The following PPP2R2B variants were observed in gnomAD, a reference collection of about 807,000 sequenced individuals.
PPP2R2B encodes protein phosphatase 2 regulatory subunit Bbeta, also known as serine/threonine-protein phosphatase 2A 55 kDa regulatory subunit B beta isoform.
In PPP2R2B, 5 loss-of-function variants were observed where a neutral mutation model predicts 46.0. The ratio of observed to expected loss-of-function variants is 0.11; its 90% confidence interval spans 0.06 to 0.23. PPP2R2B has a LOEUF of 0.23. PPP2R2B is among the 10% of genes least tolerant of loss of function. The pLI is 1.00. For synonymous variants in PPP2R2B, 215 were observed against 206.7 expected, an observed-to-expected ratio of 1.04 and a Z score of -0.34; for missense variants, 367 against 575.0, an observed-to-expected ratio of 0.64 and a Z score of 3.70.
At chr5:147,044,424 ATTCT>A (rs1756459012) in intron 1 of PPP2R2B, among the ~76,000 whole-genome samples, 4 of 152,186 alleles carry the variant, frequency 2.6e-5, no homozygotes, top group Admixed American at 2.6e-4. Context: ...AAATTTTATA[ATTCT>A]TTCTAATGGG....
At chr5:146,886,170 C>G (rs1004866541) in intron 1 of PPP2R2B, among the ~76,000 whole-genome samples, 1 of 151,938 alleles carries the variant, frequency 6.6e-6, no homozygotes, top group African/African-American at 2.4e-5. Flanking sequence ...AACCCCGTCT[C>G]TACTAAAAAT....
Position 146,946,020 on chromosome 5 carries a change from C to T in PPP2R2B, c.79+109645G>A, listed in dbSNP as rs1485204768. 3.9e-5 allele frequency among the ~76,000 whole-genome samples: 6 copies of T among 152,216 alleles called. No homozygotes were observed. In the East Asian group the frequency reaches 1.2e-3, roughly 29 times the overall value. On this transcript the variant is annotated intron_variant, in intron 1 of 8. Coordinates refer to the PPP2R2B transcript ENST00000336640. ...CTGAGTGAGATTTGTTACATTTGGG[C>T]TATCGATTCTAATTCACAATTTAGT... is the stretch of plus-strand genomic sequence containing the variant.
chr5:146,670,246 T>G (rs553881451), intron 5 of PPP2R2B, among the ~76,000 whole-genome samples: 1 of 152,248 alleles, frequency 6.6e-6, no homozygotes, highest in Admixed American at 6.5e-5. Flanking sequence ...TTTTTCTCAT[T>G]CAGAGATTCC....
At chr5:146,668,332 C>A (rs914947670) in intron 5 of PPP2R2B, among the ~76,000 whole-genome samples, 1 of 152,118 alleles carries the variant, frequency 6.6e-6, no homozygotes, top group Non-Finnish European at 1.5e-5. Context: ...GGTCACTATT[C>A]CCTAGCTAGA....
At chr5:146,791,216 A>G (rs1582111928) in intron 2 of PPP2R2B, among the ~76,000 whole-genome samples, 1 of 152,150 alleles carries the variant, frequency 6.6e-6, no homozygotes, top group South Asian at 2.1e-4. Flanking sequence ...CTGTCACACC[A>G]TATCTTACAT....
intron 1 of PPP2R2B, among the ~76,000 whole-genome samples, chr5:147,048,037 AG>A (rs1277755672): frequency 3.3e-5 from 5 of 152,294 alleles, no homozygotes; most frequent in African/African-American, 1.2e-4. Flanking sequence ...GCCCAGTTCC[AG>A]GGGATTTAAT....
At chr5:146,737,107 C>T (rs1243170841) in intron 2 of PPP2R2B, among the ~76,000 whole-genome samples, 1 of 152,100 alleles carries the variant, frequency 6.6e-6, no homozygotes, top group Admixed American at 6.5e-5. Flanking sequence ...GTGTGTATTT[C>T]ATACTTACAG....
At chr5:146,635,011 G>A (rs566057343) in intron 7 of PPP2R2B, among the ~76,000 whole-genome samples, 5 of 152,286 alleles carry the variant, frequency 3.3e-5, no homozygotes, top group African/African-American at 1.2e-4. Context: ...GCCTAGAACC[G>A]GAGGAATCCA....
At chr5:147,029,968 G>C (rs1207552633) in intron 1 of PPP2R2B, among the ~76,000 whole-genome samples, 1 of 152,306 alleles carries the variant, frequency 6.6e-6, no homozygotes, top group South Asian at 2.1e-4. Flanking sequence ...TTCCAATTGT[G>C]TTGGCTGGCT....
intron 1 of PPP2R2B, among the ~76,000 whole-genome samples, chr5:146,963,984 C>T (rs1173246112): frequency 6.6e-6 from 1 of 152,206 alleles, no homozygotes; most frequent in Admixed American, 6.5e-5. Context: ...TTACCCTTCT[C>T]AAGGCTGAAT....
intron 9 of PPP2R2B, 56 bp downstream of exon 9, chr5:146,592,915 C>T (rs1355015163): frequency 2.0e-6 from 3 of 1,521,436 alleles, no homozygotes; most frequent in Non-Finnish European, 2.7e-6. Flanking sequence ...GATAAATTCC[C>T]TGAGCCTCTT....
intron 1 of PPP2R2B, among the ~76,000 whole-genome samples, chr5:146,913,085 G>C (rs1763251718): frequency 6.6e-6 from 1 of 152,168 alleles, no homozygotes; most frequent in Non-Finnish European, 1.5e-5. Context: ...CTGTCCTCTG[G>C]AGGCCCTGTC....
At chr5:146,799,073 C>G (rs2151303095) in intron 2 of PPP2R2B, among the ~76,000 whole-genome samples, 1 of 152,240 alleles carries the variant, frequency 6.6e-6, no homozygotes, top group South Asian at 2.1e-4. Flanking sequence ...TCCGGGGCAG[C>G]CAGAACAAAG....
At chr5:147,025,774 C>T (rs532426270) in intron 1 of PPP2R2B, among the ~76,000 whole-genome samples, 2 of 152,058 alleles carry the variant, frequency 1.3e-5, no homozygotes, top group South Asian at 2.1e-4. Context: ...TTTGAACAGA[C>T]ATTTCACCAA....
chr5:147,027,366 G>A (rs1755573440), intron 1 of PPP2R2B, among the ~76,000 whole-genome samples: 1 of 152,140 alleles, frequency 6.6e-6, no homozygotes, highest in African/African-American at 2.4e-5. Flanking sequence ...CGGGCGCGGT[G>A]GTTCACACCT....
intron 7 of PPP2R2B, among the ~76,000 whole-genome samples, chr5:146,615,502 T>TA (rs533328196): frequency 1.9e-3 from 85 of 44,784 alleles, no homozygotes; most frequent in Non-Finnish European, 2.6e-3. Flanking sequence ...TAGAGTATAA[T>TA]AAAAAAAAAA....
chr5:146,739,035 T>G (rs1173881780), intron 2 of PPP2R2B, among the ~76,000 whole-genome samples: 6 of 144,050 alleles, frequency 4.2e-5, no homozygotes, highest in Non-Finnish European at 7.6e-5. Flanking sequence ...ATTTTTTTTT[T>G]AAGAGACAGG....
intron 2 of PPP2R2B, among the ~76,000 whole-genome samples, chr5:146,808,372 T>C (rs1757317809): frequency 6.6e-6 from 1 of 152,236 alleles, no homozygotes; most frequent in Admixed American, 6.5e-5. Context: ...TTGCATAGTG[T>C]TGTTTTAGAG....
At chr5:146,597,002 T>C (rs747643548) in intron 8 of PPP2R2B, among the ~76,000 whole-genome samples, 1 of 152,212 alleles carries the variant, frequency 6.6e-6, no homozygotes, top group Non-Finnish European at 1.5e-5. Context: ...AGAATTTTGC[T>C]GTCACTCCAC....
Sources: gnomAD v4.1 joint callset for allele counts (sites outside exome capture counted in the v4.1 genomes callset) on GRCh38, gnomAD v4.1.1 for gene constraint, MANE v1.5 for transcripts, NCBI Gene and HGNC (gene_info 2026-07-23, HGNC 2026-07-21) for gene names.